The following LITAF variants were observed in gnomAD, a reference collection of about 807,000 sequenced individuals.
The protein encoded by LITAF is lipopolysaccharide induced TNF factor.
Under a neutral mutation model 14.5 loss-of-function variants are expected in LITAF, and 9 were observed. The observed-to-expected ratio is 0.62, with a 90% confidence interval of 0.37 to 1.08. LITAF has a LOEUF of 1.08. LITAF is among the 50% of genes least tolerant of loss of function. LITAF has a pLI of 0.01. For synonymous variants in LITAF, 98 were observed against 88.2 expected, an observed-to-expected ratio of 1.11 and a Z score of -0.62; for missense variants, 206 against 213.4, an observed-to-expected ratio of 0.97 and a Z score of 0.22.
intron 1 of LITAF, among the ~76,000 whole-genome samples, chr16:11,567,731 TC>T (rs2064475728): frequency 6.6e-6 from 1 of 152,144 alleles, no homozygotes; most frequent in South Asian, 2.1e-4. Flanking sequence ...ACGCCTGTAA[TC>T]CCAGCATTTT....
intron 3 of LITAF, among the ~76,000 whole-genome samples, chr16:11,613,377 G>A (rs1191132194): frequency 1.3e-5 from 2 of 152,204 alleles, no homozygotes; most frequent in African/African-American, 4.8e-5. Flanking sequence ...TCACCTGGGG[G>A]AATAAGCAAT....
intron 1 of LITAF, among the ~76,000 whole-genome samples, chr16:11,578,184 C>A (rs910875053): frequency 8.5e-5 from 13 of 152,172 alleles, no homozygotes; most frequent in Non-Finnish European, 1.6e-4. Flanking sequence ...TAGGCATGAG[C>A]CATGGCACCT....
chr16:11,552,886 G>A (rs2064202672), intron 3 of LITAF, among the ~76,000 whole-genome samples: 1 of 152,140 alleles, frequency 6.6e-6, no homozygotes, highest in African/African-American at 2.4e-5. Context: ...GGCTGAGGCG[G>A]GTGGACCACC....
chr16:11,562,258 G>A (rs932463430), intron 1 of LITAF, among the ~76,000 whole-genome samples: 2 of 141,290 alleles, frequency 1.4e-5, no homozygotes, highest in Admixed American at 7.6e-5. Context: ...AGGCTGCAGT[G>A]AGCCGAGATC....
chr16:11,627,234 G>C (rs563716570), intron 3 of LITAF, among the ~76,000 whole-genome samples: 1 of 152,306 alleles, frequency 6.6e-6, no homozygotes, highest in Admixed American at 6.5e-5. Flanking sequence ...CAAGACCCTT[G>C]CTGGAGCTCC....
intron 1 of LITAF, among the ~76,000 whole-genome samples, chr16:11,570,228 G>A (rs906809768): frequency 2.0e-5 from 3 of 152,218 alleles, no homozygotes; most frequent in Admixed American, 6.5e-5. Context: ...CACTTCAGAG[G>A]GCTGCTGTGA....
At chr16:11,554,151 G>T (rs146815251) in intron 2 of LITAF, among the ~76,000 whole-genome samples, 74 of 152,298 alleles carry the variant, frequency 4.9e-4, no homozygotes, top group African/African-American at 1.6e-3. Flanking sequence ...AGGATCAGTT[G>T]AGTCTGAGAG....
At chr16:11,638,092 CTATCTA>C (rs2065149699), upstream of LITAF, among the ~76,000 whole-genome samples, 1 of 65,466 alleles carries the variant, frequency 1.5e-5, no homozygotes. Flanking sequence ...ATCTATCTAT[CTATCTA>C]TATATATATA....
rs943854049 is a variant in LITAF at position 11,553,268 on chromosome 16, G to A, written c.377+265C>T. ...ATGCCAGCTCTACTAAAAATAAGCT[G>A]GGCGTGGTTGTGCACCCCTATAATC... is the stretch of plus-strand genomic sequence containing the variant. On this transcript the variant is annotated intron_variant, in intron 3 of 3. Coordinates refer to ENST00000622633, the MANE Select transcript of LITAF (RefSeq NM_001136472.2). This position sits in a 1 kb window ranked among gnomAD's most constrained non-coding sequence, Gnocchi z 7.7. Among the ~76,000 whole-genome samples, 1 of 152,088 alleles carries A rather than the reference G, an allele frequency of 6.6e-6. No homozygotes were observed. The highest frequency in any genetic ancestry group is 1.5e-5 in the Non-Finnish European group (1 of 68,026).
rs2064949619 is a variant in LITAF at position 11,605,312 on chromosome 16, C to G, written c.85+28221G>C. 6.6e-6 allele frequency among the ~76,000 whole-genome samples: 1 copy of G among 152,162 alleles called. No homozygotes were observed. The highest frequency in any genetic ancestry group is 2.4e-5 in the African/African-American group (1 of 41,436). The stretch of plus-strand genomic sequence containing the variant: ...CCCCTAGTATTCAATGGGGGGATGC[C>G]ACGCAGGTCTGGCTATGTCTTCAGA... On this transcript the variant is annotated intron_variant, in intron 3 of 3. Transcript: ENST00000574848. The surrounding 1 kb of genome is among the most constrained non-coding windows in gnomAD (Gnocchi z 4.7).
chr16:11,566,939 T>G (rs1407670081), intron 1 of LITAF, among the ~76,000 whole-genome samples: 2 of 152,216 alleles, frequency 1.3e-5, no homozygotes, highest in Non-Finnish European at 2.9e-5. Flanking sequence ...GTCTCACAGT[T>G]CAGCTCAAGG....
chr16:11,564,684 T>C (rs1309238032), intron 1 of LITAF, among the ~76,000 whole-genome samples: 1 of 151,938 alleles, frequency 6.6e-6, no homozygotes, highest in African/African-American at 2.4e-5. Context: ...GAATCCTAAA[T>C]GCAAAGGAAA....
chr16:11,583,595 CTTT>C (rs1024657812), intron 1 of LITAF, among the ~76,000 whole-genome samples: 12 of 152,198 alleles, frequency 7.9e-5, no homozygotes, highest in African/African-American at 2.9e-4. Context: ...TGCCTTTCTT[CTTT>C]ATCTTCCACA....
At chr16:11,593,896 GC>G (rs2064864684) in intron 1 of LITAF, among the ~76,000 whole-genome samples, 1 of 152,170 alleles carries the variant, frequency 6.6e-6, no homozygotes, top group South Asian at 2.1e-4. Context: ...AATGTTCTGG[GC>G]TGGGTGCAGT....
At chr16:11,567,494 G>A (rs1180507390) in intron 1 of LITAF, among the ~76,000 whole-genome samples, 15 of 152,048 alleles carry the variant, frequency 9.9e-5, no homozygotes, top group Admixed American at 9.8e-4. Flanking sequence ...AGGGAAGTGT[G>A]GGGGAGTGTA....
chr16:11,593,944 A>G (rs1030374816), intron 1 of LITAF, among the ~76,000 whole-genome samples: 1 of 152,154 alleles, frequency 6.6e-6, no homozygotes, highest in African/African-American at 2.4e-5. Flanking sequence ...TGGGAGGCCA[A>G]GGCAGGCGAG....
chr16:11,610,162 A>C (rs561437623), intron 3 of LITAF, among the ~76,000 whole-genome samples: 162 of 152,316 alleles, frequency 1.1e-3, no homozygotes, highest in African/African-American at 3.7e-3. Context: ...GGGGGACCCC[A>C]TAAAGAAGCA....
At chr16:11,588,551 AAGAG>A (rs1171288290), upstream of LITAF, among the ~76,000 whole-genome samples, 2 of 149,000 alleles carry the variant, frequency 1.3e-5, no homozygotes, top group African/African-American at 2.4e-5. Flanking sequence ...AGAAGAAAGA[AAGAG>A]AAAGAAAGAA....
chr16:11,554,324 C>T (rs11646660), intron 2 of LITAF, among the ~76,000 whole-genome samples: 15,402 of 152,184 alleles, frequency 0.1, 821 homozygotes, highest in African/African-American at 0.11. Context: ...CTTTGATAAA[C>T]TCTGACAGCC....
Sources: gnomAD v4.1 joint callset for allele counts (sites outside exome capture counted in the v4.1 genomes callset) on GRCh38, gnomAD v4.1.1 for gene constraint, Gnocchi (gnomAD v3.1) non-coding constraint, MANE v1.5 for transcripts, NCBI Gene and HGNC (gene_info 2026-07-23, HGNC 2026-07-21) for gene names.